Variants in COL27A1 observed in about 807,000 individuals in gnomAD.
The protein encoded by COL27A1 is collagen type XXVII alpha 1 chain.
In COL27A1, 106 loss-of-function variants were observed where a neutral mutation model predicts 251.3. The ratio of observed to expected loss-of-function variants is 0.42; its 90% CI spans 0.36 to 0.50. The LOEUF (loss-of-function observed/expected upper bound fraction) is 0.50, where lower values mean the gene tolerates loss of function less well. COL27A1 is among the 20% of genes least tolerant of loss of function. The pLI is 0.00. For synonymous variants in COL27A1, 1,000 were observed against 986.3 expected (o/e 1.01, Z -0.26); for missense variants, 2,325 against 2,522.8 (o/e 0.92, Z 1.68).
Position 114,288,984 on chromosome 9 carries a change from G to A in COL27A1, c.4152+17G>A. ...GGCCAACCCGTGAGTGGTGCTTCGT[G>A]TCCCATCCCTGCCTCCCACCCTGAG... On this transcript the variant is annotated intron_variant, in intron 44 of 60. Transcript: ENST00000356083. 4 of 1,613,502 alleles carry A rather than the reference G, an allele frequency of 2.5e-6. No homozygotes were observed. The highest frequency in any genetic ancestry group is 2.5e-6 in the Non-Finnish European group (3 of 1,179,878).
chr9:114,154,458 G>A (rs1848015170), upstream of COL27A1, among the ~76,000 whole-genome samples: 2 of 152,132 alleles, frequency 1.3e-5, no homozygotes. The surrounding 1 kb of genome is among the most constrained non-coding windows in gnomAD (Gnocchi z 5.8). Flanking sequence ...TGGGGAGGTG[G>A]GTACACGCGT....
chr9:114,169,430 G>C lies in COL27A1; in HGVS notation c.1875G>C (p.Gly625=). Residue 625 remains glycine, a synonymous_variant, in exon 3 of 61, where the codon GGG becomes GGC. Transcript: ENST00000356083. ...AGSTPFPLLM[G]PPGPKGDCGL... ...CTACGCCTTTCCCTCTGCTGATGGG[G>C]CCTCCGGGACCCAAGGGAGACTGTG... 6.4e-7 allele frequency: 1 copy of C among 1,568,956 alleles called. No homozygotes were observed. Among genetic ancestry groups the C allele is most frequent in the Non-Finnish European group, 8.6e-7 (1 of 1,158,814 alleles).
intron 1 of COL27A1, among the ~76,000 whole-genome samples, chr9:114,159,257 G>T (rs947164797): frequency 4.6e-5 from 7 of 152,220 alleles, no homozygotes; most frequent in Non-Finnish European, 1.0e-4. Flanking sequence ...CTGATTTTCA[G>T]AGATTACAAG....
chr9:114,292,477 C>T (rs550418336), intron 49 of COL27A1, among the ~76,000 whole-genome samples: 150 of 152,244 alleles, frequency 9.9e-4, no homozygotes, highest in Non-Finnish European at 1.8e-3. Context: ...AGAAGGTGGG[C>T]GCTCCTGACT....
chr9:114,289,759 G>A (rs1249740), intron 45 of COL27A1, among the ~76,000 whole-genome samples: 30,250 of 151,794 alleles, frequency 0.2, 3,834 homozygotes, highest in African/African-American at 0.35. Context: ...CCCCTCACCT[G>A]CCTGCCTCGG....
intron 36 of COL27A1, chr9:114,274,223 A>G (rs1835335937): frequency 6.7e-6 from 1 of 148,870 alleles, no homozygotes; most frequent in Non-Finnish European, 1.5e-5. Context: ...ACAGAATGAG[A>G]TCCGTCTAAA....
At chr9:114,300,229 G>A in intron 50 of COL27A1, 106 bp downstream of exon 50, 2 of 1,213,930 alleles carry the variant, frequency 1.6e-6, no homozygotes, top group Non-Finnish European at 2.4e-6. Context: ...AACATTGGCT[G>A]GAAAACAGCC....
intron 42 of COL27A1, 93 bp downstream of exon 42, chr9:114,288,604 G>A (rs990405038): frequency 1.3e-6 from 2 of 1,546,962 alleles, no homozygotes; most frequent in Non-Finnish European, 1.8e-6. Flanking sequence ...CAGGGGCCAG[G>A]TCCCTGAGAG....
At position 114,282,461 on chromosome 9, in the gene COL27A1, C is replaced by T. The variant is rs754632120; in HGVS notation, c.3776C>T (p.Ala1259Val). The change falls in exon 39 of 61, where the codon GCC (alanine) becomes GTC (valine). Residue 1259 changes from alanine (A) to valine (V), a missense_variant. Ala to Val is a moderately conservative substitution (Grantham distance 64, BLOSUM62 0). Around this residue, in one of 4 missense-constraint regions of COL27A1, gnomAD observed 662 missense variants for 795.3 expected, o/e 0.83. Transcript: ENST00000356083. Reference sequence around the variant, plus strand: ...TTGTCTTTCCTCCTGTTGCAGGGTGCCAAGGGCTATCAAGGACAGCTGGGT... The same window carrying T: ...TTGTCTTTCCTCCTGTTGCAGGGTGTCAAGGGCTATCAAGGACAGCTGGGT... ...GEKGRTGAKG[A>V]KGYQGQLGEM... 1 of 1,603,100 alleles carries T rather than the reference C, an allele frequency of 6.2e-7. No individual in the cohort carries two copies. The highest frequency in any genetic ancestry group is 8.5e-7 in the Non-Finnish European group (1 of 1,174,992).
At chr9:114,300,003 C>G in intron 49 of COL27A1, 67 bp from the exon 50 acceptor site, 2 of 1,518,514 alleles carry the variant, frequency 1.3e-6, no homozygotes, top group South Asian at 2.2e-5. Flanking sequence ...CCCTGAGGTC[C>G]CAGGTGGCTG....
intron 5 of COL27A1, among the ~76,000 whole-genome samples, chr9:114,185,410 G>C (rs772237541): frequency 6.6e-6 from 1 of 152,244 alleles, no homozygotes; most frequent in Non-Finnish European, 1.5e-5. Context: ...GAACAGAGGT[G>C]GCCCCAGAGC....
intron 1 of COL27A1, among the ~76,000 whole-genome samples, chr9:114,158,513 G>A (rs971427695): frequency 1.3e-5 from 2 of 152,116 alleles, no homozygotes; most frequent in Admixed American, 6.5e-5. Flanking sequence ...CTCCCGTTTC[G>A]GCTGCCTCCT....
intron 7 of COL27A1, among the ~76,000 whole-genome samples, chr9:114,197,765 C>A (rs984097638): frequency 2.0e-5 from 3 of 152,262 alleles, no homozygotes; most frequent in Admixed American, 6.5e-5. Context: ...AGCTGGAAAA[C>A]TATTTGGCAA....
At chr9:114,167,018 G>A (rs1486830749) in intron 2 of COL27A1, among the ~76,000 whole-genome samples, 1 of 152,068 alleles carries the variant, frequency 6.6e-6, no homozygotes, top group East Asian at 1.9e-4. Flanking sequence ...TCGGGAGTGG[G>A]AAGGGGAATG....
In COL27A1 at chr9:114,290,946, C is replaced by A; in HGVS notation, c.4476+29C>A. On this transcript the variant is annotated intron_variant, in intron 48 of 60. Transcript: ENST00000356083. The surrounding 1 kb of genome is among the most constrained non-coding windows in gnomAD (Gnocchi z 4.6). ...AGATACCTCTTAATACACTTACCCA[C>A]CCTCTGCCCTTTCTGCCTTGATGCA... The A allele has an allele frequency of 6.7e-7, 1 of 1,489,374 alleles. No homozygotes were observed. 92.3% of individuals were successfully genotyped at this position (1,489,374 alleles called of 1,614,324 possible). A position where few individuals can be genotyped will look rare whatever the true frequency, so the allele number is the denominator to read the frequency against.
At chr9:114,166,444 T>TATCCATCCATCCATCCATCC (rs112047520) in intron 2 of COL27A1, among the ~76,000 whole-genome samples, 14 of 140,952 alleles carry the variant, frequency 9.9e-5, no homozygotes, top group East Asian at 6.6e-4. Flanking sequence ...TCCATTCATC[T>TATCCATCCATCCATCCATCC]ATCCATCCAT....
Position 114,306,623 on chromosome 9 carries a change from G to A in COL27A1, c.5042G>A (p.Gly1681Asp). The A allele has an allele frequency of 6.2e-7, 1 of 1,614,146 alleles. No homozygotes were observed. The highest frequency in any genetic ancestry group is 1.1e-5 in the South Asian group (1 of 91,076). Residue 1681 changes from glycine to aspartate, a missense_variant, in exon 58 of 61, where the codon GGC (glycine) becomes GAC (aspartate). Physicochemically the swap from Gly to Asp is moderately conservative, Grantham distance 94 (BLOSUM62 -1). Transcript: ENST00000356083. Reference protein sequence around the residue: ...NLIQSIKTPLGTKENPARVCR... With the variant: ...NLIQSIKTPLDTKENPARVCR... ...ATCCAGAGCATTAAGACGCCCCTGGGCACCAAAGAGAACCCCGCCCGGGTC... is the reference window on the plus strand; with the variant it reads ...ATCCAGAGCATTAAGACGCCCCTGGACACCAAAGAGAACCCCGCCCGGGTC...
chr9:114,250,511 C>A (rs1833464218), intron 24 of COL27A1, 104 bp from the exon 25 acceptor site: 10 of 1,049,032 alleles, frequency 9.5e-6, no homozygotes, highest in Non-Finnish European at 1.2e-5. Context: ...GGTGACCAGG[C>A]ACGGGTGGGA....
chr9:114,182,987 C>T (rs142749926), intron 4 of COL27A1, 35 bp from the exon 5 acceptor site: 2 of 1,600,916 alleles, frequency 1.2e-6, no homozygotes, highest in Non-Finnish European at 1.7e-6. Context: ...TGTTTTTTGT[C>T]ACCTTTTTTT....
Sources: allele counts gnomAD v4.1 joint callset (sites outside exome capture counted in the v4.1 genomes callset), GRCh38; gene constraint gnomAD v4.1.1; regional missense constraint gnomAD v4.1.1; non-coding constraint Gnocchi (gnomAD v3.1); transcripts MANE v1.5; gene names NCBI Gene and HGNC (gene_info 2026-07-23, HGNC 2026-07-21).